The following RTKN2 variants were observed in gnomAD, a reference collection of about 807,000 sequenced individuals.
The protein encoded by RTKN2 is rhotekin 2.
A neutral mutation model predicts 71.5 loss-of-function variants in RTKN2; 69 were observed. That is an observed-to-expected ratio of 0.96 (90% CI 0.79 to 1.18). RTKN2 has a LOEUF of 1.18. Ranked by LOEUF, RTKN2 falls within the 50% of genes most tolerant of loss-of-function variation. The pLI is 0.00. For missense variants in RTKN2, 724 were observed against 719.7 expected (o/e 1.01, Z -0.07); for synonymous variants, 236 against 236.5 (o/e 1.00, Z 0.02).
intron 1 of RTKN2, 111 bp from the exon 2 acceptor site, chr10:62,262,932 A>C (rs931434125): frequency 4.9e-6 from 3 of 608,148 alleles, no homozygotes; most frequent in Non-Finnish European, 8.4e-6. Flanking sequence ...GAAAGCAACA[A>C]AGTTTTAATA....
At chr10:62,224,300 C>T (rs1841973261) in intron 6 of RTKN2, among the ~76,000 whole-genome samples, 1 of 150,432 alleles carries the variant, frequency 6.6e-6, no homozygotes, top group African/African-American at 2.5e-5. Flanking sequence ...TACTTAATGC[C>T]TCTGAATGTA....
downstream of RTKN2, among the ~76,000 whole-genome samples, chr10:62,189,406 T>A (rs1364239787): frequency 6.6e-6 from 1 of 152,206 alleles, no homozygotes; most frequent in Non-Finnish European, 1.5e-5. Context: ...TGAAAGGCCA[T>A]TCTAACAAGC....
At chr10:62,263,514 A>G (rs1842814862) in intron 1 of RTKN2, among the ~76,000 whole-genome samples, 1 of 152,224 alleles carries the variant, frequency 6.6e-6, no homozygotes, top group South Asian at 2.1e-4. Context: ...AAAACATACA[A>G]TAACTAATGT....
intron 8 of RTKN2, among the ~76,000 whole-genome samples, chr10:62,217,626 A>G (rs1333247966): frequency 6.6e-6 from 1 of 152,220 alleles, no homozygotes; most frequent in Non-Finnish European, 1.5e-5. Context: ...TATGTTCAAA[A>G]TATTATTTTC....
Position 62,268,685 on chromosome 10 carries a change from C to T in RTKN2, c.-75G>A, listed in dbSNP as rs926993513. The T allele has an allele frequency of 6.2e-6, 9 of 1,441,250 alleles. No individual in the cohort carries two copies. In the Admixed American group the frequency reaches 1.0e-4, roughly 17 times the overall value. The allele number at this position is 1,441,250 out of a possible 1,614,324, so 89.3% of individuals were successfully genotyped here. A position where few individuals can be genotyped will look rare whatever the true frequency, so the allele number is the denominator to read the frequency against. ...TGAAAAGCCCGCCCCTGGCAGGAGC[C>T]GCAGAGGACGCCAACCGCCCGGCCG... On this transcript the variant is annotated 5_prime_UTR_variant, in exon 1 of 12. Coordinates refer to ENST00000373789, the MANE Select transcript of RTKN2 (RefSeq NM_145307.4).
intron 10 of RTKN2, among the ~76,000 whole-genome samples, chr10:62,203,746 C>T (rs1841494242): frequency 6.6e-6 from 1 of 152,158 alleles, no homozygotes; most frequent in African/African-American, 2.4e-5. Context: ...GAAAACAAGT[C>T]CTAAACAATA....
chr10:62,245,215 G>C (rs2133037011), intron 3 of RTKN2, among the ~76,000 whole-genome samples: 1 of 152,190 alleles, frequency 6.6e-6, no homozygotes, highest in South Asian at 2.1e-4. Context: ...TAGTGGTGAA[G>C]GGTCTCCTAA....
intron 6 of RTKN2, among the ~76,000 whole-genome samples, chr10:62,228,778 C>G (rs1414816909): frequency 2.0e-5 from 3 of 152,090 alleles, no homozygotes; most frequent in African/African-American, 4.8e-5. Context: ...AGAAAGGAAA[C>G]AGCAAACACT....
chr10:62,200,963 T>A (rs990997708), intron 10 of RTKN2, among the ~76,000 whole-genome samples: 7 of 152,276 alleles, frequency 4.6e-5, no homozygotes, highest in Middle Eastern at 3.4e-3. Context: ...TGTTTCACAC[T>A]ATTTTAATCT....
At chr10:62,259,213 T>C (rs1440284101) in intron 2 of RTKN2, 1 of 453,696 alleles carries the variant, frequency 2.2e-6, no homozygotes, top group South Asian at 1.6e-5. Context: ...TCCTTCGCCT[T>C]CTGCCATGAC....
chr10:62,200,362 C>CAAAAAAAAAAAAAAAAA (rs67854159), intron 10 of RTKN2, among the ~76,000 whole-genome samples: 28 of 79,508 alleles, frequency 3.5e-4, no homozygotes, highest in South Asian at 5.4e-4. Context: ...GACTCCGTCT[C>CAAAAAAAAAAAAAAAAA]AAAAAAAAAA....
chr10:62,266,363 C>A (rs1425827103), intron 1 of RTKN2, among the ~76,000 whole-genome samples: 1 of 152,118 alleles, frequency 6.6e-6, no homozygotes, highest in Non-Finnish European at 1.5e-5. Flanking sequence ...GTAATCAAGA[C>A]AGAAACTATG....
At chr10:62,223,504 T>C (rs371075460) in intron 6 of RTKN2, among the ~76,000 whole-genome samples, 172 bp from the exon 7 acceptor site, 1 of 152,080 alleles carries the variant, frequency 6.6e-6, no homozygotes, top group Admixed American at 6.6e-5. Flanking sequence ...TTCTGACACA[T>C]TACATTTCTC....
chr10:62,258,048 A>G (rs1467616906), intron 2 of RTKN2, among the ~76,000 whole-genome samples: 1 of 152,248 alleles, frequency 6.6e-6, no homozygotes, highest in Non-Finnish European at 1.5e-5. Context: ...TATTATTGGA[A>G]CAGTATGGTA....
chr10:62,233,532 A>C, intron 6 of RTKN2, among the ~76,000 whole-genome samples: 1 of 152,114 alleles, frequency 6.6e-6, no homozygotes, highest in Admixed American at 6.6e-5. Flanking sequence ...ACTGGGACTG[A>C]TTCACGGGTC....
intron 1 of RTKN2, among the ~76,000 whole-genome samples, chr10:62,267,392 T>G (rs1842885847): frequency 1.3e-5 from 2 of 152,172 alleles, no homozygotes; most frequent in South Asian, 4.1e-4. Flanking sequence ...ACCTATATGA[T>G]AGGTGCAAGA....
chr10:62,240,092 G>A (rs77952526), intron 4 of RTKN2, among the ~76,000 whole-genome samples: 4 of 151,800 alleles, frequency 2.6e-5, no homozygotes, highest in African/African-American at 7.2e-5. Context: ...ACACATGCGC[G>A]GGCATGCAAG....
At chr10:62,252,827 T>C (rs115813992) in intron 2 of RTKN2, among the ~76,000 whole-genome samples, 2,921 of 152,124 alleles carry the variant, frequency 0.019, 84 homozygotes, top group African/African-American at 0.066. Context: ...AAAAAACTTA[T>C]AAGAACTAAG....
chr10:62,215,471 TA>T (rs546741019), intron 9 of RTKN2, among the ~76,000 whole-genome samples: 139 of 152,112 alleles, frequency 9.1e-4, no homozygotes, highest in Non-Finnish European at 1.8e-3. Flanking sequence ...AGACACTAAA[TA>T]AAAATTAGAA....
Sources: gnomAD v4.1 joint callset for allele counts (sites outside exome capture counted in the v4.1 genomes callset) on GRCh38, gnomAD v4.1.1 for gene constraint, MANE v1.5 for transcripts, NCBI Gene and HGNC (gene_info 2026-07-23, HGNC 2026-07-21) for gene names.